Variants in GARRE1 observed in about 807,000 individuals in gnomAD.
The protein encoded by GARRE1 is granule associated Rac and RHOG effector 1.
Under a neutral mutation model 103.2 loss-of-function variants are expected in GARRE1, and 49 were observed. That is an observed-to-expected ratio of 0.47 (90% confidence interval 0.38 to 0.60). The LOEUF is 0.60. Among genes scored for constraint, GARRE1 ranks in the 20% least tolerant of loss-of-function variants. The probability of loss-of-function intolerance (pLI) is 0.00; values close to 1 mark genes in which losing one functional copy is unlikely to be tolerated. For missense variants in GARRE1, 1,199 were observed against 1,370.5 expected, an observed-to-expected ratio of 0.87 and a Z score of 1.98; for synonymous variants, 505 against 532.8, an observed-to-expected ratio of 0.95 and a Z score of 0.72.
At chr19:34,307,916 A>C (rs565692857) in intron 2 of GARRE1, among the ~76,000 whole-genome samples, 2 of 150,148 alleles carry the variant, frequency 1.3e-5, no homozygotes, top group African/African-American at 4.9e-5. Context: ...CGCGTATCTG[A>C]GACTGCGTAG....
intron 1 of GARRE1, among the ~76,000 whole-genome samples, chr19:34,283,913 G>T (rs2073870361): frequency 7.1e-6 from 1 of 141,314 alleles, no homozygotes; most frequent in South Asian, 2.4e-4. Flanking sequence ...CTCACTGCAA[G>T]CTCCGCCTCC....
chr19:34,352,814 C>T lies in GARRE1; in HGVS notation c.3072C>T (p.Asn1024=), dbSNP rs200351515. The change falls in exon 14 of 14, where the codon AAC becomes AAT. Residue 1024 remains asparagine (N), a synonymous_variant. Coordinates refer to ENST00000299505, the MANE Select transcript of GARRE1 (RefSeq NM_014686.5). ...MLQSPVWAAT[N]DCSAAAFSYV... ...AGTCCCCAGTGTGGGCCGCAACCAA[C>T]GACTGCAGTGCCGCTGCCTTCTCCT... The T allele has an allele frequency of 9.8e-5, 158 of 1,613,748 alleles. 1 individual carries two copies. In the East Asian group the frequency reaches 1.8e-3, roughly 18 times the overall value.
intron 1 of GARRE1, among the ~76,000 whole-genome samples, chr19:34,257,579 G>C (rs549678460): frequency 2.0e-5 from 3 of 152,210 alleles, no homozygotes; most frequent in African/African-American, 4.8e-5. Flanking sequence ...AAAAATGTTG[G>C]TTTAGATAAG....
chr19:34,282,145 C>G (rs1253963195), intron 1 of GARRE1, among the ~76,000 whole-genome samples: 2 of 151,348 alleles, frequency 1.3e-5, no homozygotes, highest in Non-Finnish European at 3.0e-5. Context: ...GATTTGTTTG[C>G]TTTTGGTTTT....
In GARRE1 at chr19:34,353,120, C is replaced by A; in HGVS notation, c.*165C>A. 1 of 632,690 alleles carries A rather than the reference C, an allele frequency of 1.6e-6. No individual in the cohort carries two copies. Among genetic ancestry groups the A allele is most frequent in the Non-Finnish European group, 2.7e-6 (1 of 377,022 alleles). The allele number at this position is 632,690 out of a possible 1,614,324, so 39.2% of individuals were successfully genotyped here. On this transcript the variant is annotated 3_prime_UTR_variant, in exon 14 of 14. Coordinates refer to ENST00000299505, the MANE Select transcript of GARRE1 (RefSeq NM_014686.5). ...GACAAGGGTGGTTGGCAGCTCCAAG[C>A]CTTTAAACCTGGCTTCTGAAACGAT...
chr19:34,280,672 T>G (rs1358574662), intron 1 of GARRE1, among the ~76,000 whole-genome samples: 1 of 152,170 alleles, frequency 6.6e-6, no homozygotes, highest in Non-Finnish European at 1.5e-5. Flanking sequence ...CCCTAAATGG[T>G]TATTCTTTTT....
At chr19:34,344,946 C>G (rs2074204301) in intron 10 of GARRE1, among the ~76,000 whole-genome samples, 1 of 152,142 alleles carries the variant, frequency 6.6e-6, no homozygotes, top group African/African-American at 2.4e-5. Context: ...TCACGCCATT[C>G]TCCTGCCTCA....
chr19:34,304,267 T>C (rs2073995853), intron 2 of GARRE1, among the ~76,000 whole-genome samples: 1 of 151,954 alleles, frequency 6.6e-6, no homozygotes, highest in South Asian at 2.1e-4. Flanking sequence ...ATTTTTGTAT[T>C]TTTAGTAGAG....
At chr19:34,288,322 A>G (rs927686900) in intron 1 of GARRE1, among the ~76,000 whole-genome samples, 25 of 152,026 alleles carry the variant, frequency 1.6e-4, no homozygotes, top group Non-Finnish European at 2.8e-4. Context: ...TCCTTTCCTC[A>G]ATTTCTCAAA....
chr19:34,277,327 A>G (rs2073822663), intron 1 of GARRE1, among the ~76,000 whole-genome samples: 1 of 152,180 alleles, frequency 6.6e-6, no homozygotes, highest in Admixed American at 6.5e-5. Flanking sequence ...GGCAGAAAGG[A>G]ATAAAAATGA....
In GARRE1 at chr19:34,319,927, G is replaced by C. The variant is rs1434114712; in HGVS notation, c.516G>C (p.Leu172=). ...CACAGGTGTTGGGGCGATGTTTCCTGACTGTGGTGCAAGTCCATTTCCAGT... is the reference window on the plus strand; with the variant it reads ...CACAGGTGTTGGGGCGATGTTTCCTCACTGTGGTGCAAGTCCATTTCCAGT... The part of the protein sequence containing the change: ...QDIEVLGRCF[L]TVVQVHFQFL... The change falls in exon 3 of 14, where the codon CTG becomes CTC. Residue 172 remains leucine, a synonymous_variant. Transcript: ENST00000299505. The C allele has an allele frequency of 8.7e-6, 14 of 1,614,212 alleles. No homozygotes were observed. The highest frequency in any genetic ancestry group is 1.2e-5 in the Non-Finnish European group (14 of 1,180,046).
intron 1 of GARRE1, among the ~76,000 whole-genome samples, chr19:34,276,796 C>T (rs186663418): frequency 6.6e-6 from 1 of 152,346 alleles, no homozygotes; most frequent in East Asian, 1.9e-4. Flanking sequence ...GGAACAATGG[C>T]TCATTCATGT....
chr19:34,275,794 C>G (rs546898424), intron 1 of GARRE1, among the ~76,000 whole-genome samples: 16 of 152,282 alleles, frequency 1.1e-4, no homozygotes, highest in Non-Finnish European at 2.1e-4. Context: ...ATTTGAGGAA[C>G]TGCCACTGTG....
intron 6 of GARRE1, 100 bp from the exon 7 acceptor site, chr19:34,330,089 C>T (rs769632372): frequency 6.7e-6 from 7 of 1,045,250 alleles, no homozygotes; most frequent in Middle Eastern, 2.1e-4. Context: ...AAATAAAATG[C>T]TCTTCTCTTG....
Position 34,319,918 on chromosome 19 carries a change from A to G in GARRE1, c.507A>G (p.Arg169=), listed in dbSNP as rs746839362. The G allele has an allele frequency of 3.1e-6, 5 of 1,614,184 alleles. No individual in the cohort carries two copies. Among genetic ancestry groups the G allele is most frequent in the Non-Finnish European group, 4.2e-6 (5 of 1,180,012 alleles). Reference sequence around the variant, plus strand: ...TCTTGTTTTCACAGGTGTTGGGGCGATGTTTCCTGACTGTGGTGCAAGTCC... The same window carrying G: ...TCTTGTTTTCACAGGTGTTGGGGCGGTGTTTCCTGACTGTGGTGCAAGTCC... ...FSLQDIEVLG[R]CFLTVVQVHF... is the part of the protein sequence containing the mutation. The change falls in exon 3 of 14, where the codon CGA becomes CGG. Residue 169 remains arginine, a synonymous_variant. Transcript: ENST00000299505.
At chr19:34,336,291 C>T (rs2074160855) in intron 8 of GARRE1, among the ~76,000 whole-genome samples, 1 of 151,976 alleles carries the variant, frequency 6.6e-6, no homozygotes. Flanking sequence ...GTACCTGGCC[C>T]AAAATTTTAA....
intron 7 of GARRE1, among the ~76,000 whole-genome samples, chr19:34,332,962 G>A (rs976737846): frequency 1.3e-5 from 2 of 152,068 alleles, no homozygotes; most frequent in Non-Finnish European, 2.9e-5. Flanking sequence ...TGATGGTTGA[G>A]GATAAGATAA....
chr19:34,342,458 A>T lies in GARRE1; in HGVS notation c.2521+3A>T. On this transcript the variant is annotated splice_donor_region_variant and intron_variant, in intron 10 of 13. Coordinates refer to ENST00000299505, the MANE Select transcript of GARRE1 (RefSeq NM_014686.5). ...GATTCTGCCTTTTGATCCTGCAGGT[A>T]TGTGAGGCCTCCCATCCCTCGCCCA... 6.2e-7 allele frequency: 1 copy of T among 1,604,680 alleles called. No homozygotes were observed. The highest frequency in any genetic ancestry group is 8.5e-7 in the Non-Finnish European group (1 of 1,174,024).
chr19:34,295,016 A>G (rs2073939687), intron 1 of GARRE1, among the ~76,000 whole-genome samples: 1 of 152,198 alleles, frequency 6.6e-6, no homozygotes, highest in South Asian at 2.1e-4. Context: ...CAACTCTGAA[A>G]ATCAGATTCT....
Sources: allele counts gnomAD v4.1 joint callset (sites outside exome capture counted in the v4.1 genomes callset), GRCh38; gene constraint gnomAD v4.1.1; transcripts MANE v1.5; gene names NCBI Gene and HGNC (gene_info 2026-07-23, HGNC 2026-07-21).